Variants in SLC35H1 observed in about 807,000 individuals in gnomAD.
SLC35H1 encodes the protein ovarian cancer-overexpressed gene 1 protein.
chr20:46,352,000 C>T, the SLC35H1 span: 1 of 1,590,710 alleles, frequency 6.3e-7, no homozygotes. Context: ...GTGAGAAACC[C>T]CTGGGGGCTC....
chr20:46,357,907 G>A, the SLC35H1 span: 8 of 900,400 alleles, frequency 8.9e-6, no homozygotes, highest in East Asian at 2.6e-5. Flanking sequence ...ATGTGTGTAG[G>A]GCCCTTAGTT....
the SLC35H1 span, chr20:46,357,755 A>G: frequency 1.2e-6 from 2 of 1,614,112 alleles, no homozygotes; most frequent in East Asian, 4.5e-5. Flanking sequence ...ATCGTCATGA[A>G]GAGGGGGAAA....
chr20:46,361,564 C>T, the SLC35H1 span, among the ~76,000 whole-genome samples: 4 of 152,200 alleles, frequency 2.6e-5, no homozygotes, highest in Non-Finnish European at 5.9e-5. Flanking sequence ...TCAACCTGGG[C>T]GTTACTGCTG....
chr20:46,358,976 G>C, the SLC35H1 span: 2 of 582,778 alleles, frequency 3.4e-6, no homozygotes, highest in Non-Finnish European at 6.1e-6. Flanking sequence ...AACACAAACT[G>C]ATCATGTCAG....
At chr20:46,355,329 C>G in the SLC35H1 span, 1 of 1,429,170 alleles carries the variant, frequency 7.0e-7, no homozygotes, top group Non-Finnish European at 9.4e-7. This position sits in a 1 kb window ranked among gnomAD's most constrained non-coding sequence, Gnocchi z 4.8. Flanking sequence ...CAGCAGCCAT[C>G]TTGGCTGCCC....
the SLC35H1 span, among the ~76,000 whole-genome samples, chr20:46,360,188 C>G: frequency 6.6e-6 from 1 of 152,188 alleles, no homozygotes; most frequent in East Asian, 1.9e-4. Flanking sequence ...CATGTAAACA[C>G]AGTGCAGTGT....
At chr20:46,352,008 C>G in the SLC35H1 span, 2 of 1,599,022 alleles carry the variant, frequency 1.3e-6, no homozygotes, top group Non-Finnish European at 1.7e-6. Flanking sequence ...CCCCTGGGGG[C>G]TCCCTCTCTA....
the SLC35H1 span, chr20:46,355,368 G>T: frequency 9.3e-7 from 1 of 1,070,688 alleles, no homozygotes; most frequent in Non-Finnish European, 1.3e-6. The surrounding 1 kb of genome is among the most constrained non-coding windows in gnomAD (Gnocchi z 4.8). Flanking sequence ...CCACCCTTCA[G>T]CTCCATCCCA....
At chr20:46,354,421 C>T in the SLC35H1 span, among the ~76,000 whole-genome samples, 1 of 152,194 alleles carries the variant, frequency 6.6e-6, no homozygotes, top group African/African-American at 2.4e-5. Context: ...CCCTGATTCC[C>T]CATTCCTTAG....
At chr20:46,347,611 A>G in the SLC35H1 span, 4 of 152,196 alleles carry the variant, frequency 2.6e-5, no homozygotes, top group African/African-American at 9.6e-5. Context: ...AAGTACCATG[A>G]GGAGAATTCT....
At chr20:46,358,678 GCAGAGTCCT>G in the SLC35H1 span, 2 of 1,551,508 alleles carry the variant, frequency 1.3e-6, no homozygotes, top group Non-Finnish European at 1.7e-6. Context: ...AGAGCCCCAG[GCAGAGTCCT>G]CACCTAAGGG....
chr20:46,360,974 T>G, the SLC35H1 span, among the ~76,000 whole-genome samples: 1 of 152,176 alleles, frequency 6.6e-6, no homozygotes, highest in Non-Finnish European at 1.5e-5. Context: ...ATCCAATGAG[T>G]TGAGACTCCT....
chr20:46,358,679 C>A, the SLC35H1 span: 34 of 1,551,262 alleles, frequency 2.2e-5, no homozygotes, highest in African/African-American at 3.4e-4. Flanking sequence ...GAGCCCCAGG[C>A]AGAGTCCTCA....
At chr20:46,347,746 T>A in the SLC35H1 span, 2 of 152,316 alleles carry the variant, frequency 1.3e-5, no homozygotes, top group East Asian at 3.9e-4. Context: ...GGAGTGAAGA[T>A]GAAGGTATGC....
At chr20:46,356,499 G>T in the SLC35H1 span, 1 of 1,475,344 alleles carries the variant, frequency 6.8e-7, no homozygotes, top group Non-Finnish European at 9.4e-7. Flanking sequence ...CTAGCAGCCG[G>T]GTGTGCAGAC....
chr20:46,348,924 T>A, the SLC35H1 span: 1 of 152,266 alleles, frequency 6.6e-6, no homozygotes, highest in Non-Finnish European at 1.5e-5. Flanking sequence ...AAATATTTAC[T>A]ATCTGGCCCT....
At chr20:46,358,829 C>T in the SLC35H1 span, 13 of 1,037,066 alleles carry the variant, frequency 1.3e-5, no homozygotes, top group Non-Finnish European at 1.9e-5. Context: ...GCCATGGGTG[C>T]CTCTGAAGGC....
the SLC35H1 span, chr20:46,357,866 G>A: frequency 2.8e-6 from 4 of 1,430,568 alleles, no homozygotes; most frequent in Admixed American, 7.7e-5. Context: ...GCTGGAGTGG[G>A]GCTCATTCGG....
At chr20:46,359,661 C>T in the SLC35H1 span, among the ~76,000 whole-genome samples, 1 of 152,220 alleles carries the variant, frequency 6.6e-6, no homozygotes, top group Non-Finnish European at 1.5e-5. Context: ...CCAGCCAACC[C>T]TGATGAGTGC....
Sources: allele counts gnomAD v4.1 joint callset (sites outside exome capture counted in the v4.1 genomes callset), GRCh38; gene constraint gnomAD v4.1.1; non-coding constraint Gnocchi (gnomAD v3.1); transcripts MANE v1.5; gene names NCBI Gene and HGNC (gene_info 2026-07-23, HGNC 2026-07-21).